RNPS1: variants seen among roughly 807,000 people sequenced by gnomAD.
The protein encoded by RNPS1 is RNA binding protein with serine rich domain 1.
For synonymous variants in RNPS1, 147 were observed against 150.0 expected, an observed-to-expected ratio of 0.98 and a Z score of 0.15; for missense variants, 300 against 427.6, an observed-to-expected ratio of 0.70 and a Z score of 2.63.
rs1282016893 is a variant in RNPS1 at position 2,253,643 on chromosome 16, G to C, written c.*321C>G. On this transcript the variant is annotated 3_prime_UTR_variant, in exon 8 of 8. Coordinates refer to ENST00000320225, the MANE Select transcript of RNPS1 (RefSeq NM_080594.4). ...AGGTCATCGGGGAAGGGAAAAGTGT[G>C]CTCCCAGGTAAGCAGGGTCAAACCA... 2.1e-6 allele frequency: 1 copy of C among 482,390 alleles called. No homozygotes were observed. Among genetic ancestry groups the C allele is most frequent in the Admixed American group, 3.6e-5 (1 of 27,816 alleles). The allele number at this position is 482,390 out of a possible 1,614,324, so 29.9% of individuals were successfully genotyped here. A position where few individuals can be genotyped will look rare whatever the true frequency, so the allele number is the denominator to read the frequency against.
intron 7 of RNPS1, among the ~76,000 whole-genome samples, chr16:2,254,470 G>GTT (rs540324221): frequency 1.3e-5 from 2 of 151,450 alleles, no homozygotes; most frequent in Non-Finnish European, 3.0e-5. Context: ...ATTTTGTTTT[G>GTT]TTTTTTTTAG....
intron 5 of RNPS1, 37 bp from the exon 6 acceptor site, chr16:2,262,468 C>T (rs1290797725): frequency 1.2e-6 from 2 of 1,611,630 alleles, no homozygotes; most frequent in South Asian, 2.2e-5. Context: ...CGCCCAGCTA[C>T]CAGTCAGTCA....
chr16:2,261,453 G>C (rs1420633464), intron 6 of RNPS1, among the ~76,000 whole-genome samples: 1 of 152,222 alleles, frequency 6.6e-6, no homozygotes, highest in African/African-American at 2.4e-5. Context: ...GCAGGAAGCA[G>C]CCAGAAAGAT....
chr16:2,264,153 G>A lies in RNPS1; in HGVS notation c.227+23C>T, dbSNP rs973576903. 3 of 1,611,804 alleles carry A rather than the reference G, an allele frequency of 1.9e-6. No individual in the cohort carries two copies. The African/African-American group carries it at 4.0e-5, about 22-fold the overall frequency. On this transcript the variant is annotated intron_variant, in intron 3 of 7. Coordinates refer to ENST00000320225, the MANE Select transcript of RNPS1 (RefSeq NM_080594.4). ...GTAGCTGTGGCACAGGTCCTCTCCA[G>A]GCTCCAGGCCAGCCCGCCCCACCTG...
chr16:2,255,807 T>TG lies in RNPS1; in HGVS notation c.677-82dup, dbSNP rs2093575613. 13 of 1,430,864 alleles carry TG rather than the reference T, an allele frequency of 9.1e-6. No homozygotes were observed. In the Middle Eastern group the frequency reaches 5.2e-4, roughly 57 times the overall value. 88.6% of individuals were successfully genotyped at this position (1,430,864 alleles called of 1,614,324 possible). On this transcript the variant is annotated intron_variant, in intron 6 of 7. Coordinates refer to ENST00000320225, the MANE Select transcript of RNPS1 (RefSeq NM_080594.4). ...TGCATGCCACAGTGAAAGACAGGCC[T>TG]GGGGGGACAATGACAATGTAAGATA...
At chr16:2,266,683 C>T in intron 1 of RNPS1, 1 of 985,410 alleles carries the variant, frequency 1.0e-6, no homozygotes. Context: ...TGCACCCACC[C>T]GCCTTCGAAT....
At chr16:2,254,175 C>T in intron 7 of RNPS1, 112 bp from the exon 8 acceptor site, 2 of 777,326 alleles carry the variant, frequency 2.6e-6, no homozygotes, top group Non-Finnish European at 1.9e-6. Flanking sequence ...ATCACTCTGT[C>T]TCCAGGCCAG....
intron 6 of RNPS1, chr16:2,255,990 T>C (rs1041967674): frequency 3.6e-5 from 15 of 422,020 alleles, no homozygotes; most frequent in Middle Eastern, 6.9e-4. Context: ...CTGTGCGAGG[T>C]GGCGGGCGCC....
At chr16:2,267,777 T>G (rs11642797) in intron 1 of RNPS1, 535,667 of 1,365,870 alleles carry the variant, frequency 0.39, 109,719 homozygotes, top group Admixed American at 0.47. Flanking sequence ...CGCTCCCCGC[T>G]GGTCTGAGTC....
rs921789935 is a variant in RNPS1, at chr16:2,253,759, G to C, written c.*205C>G. ...GATGAGCTTTCTAGCCAGAAAACCG[G>C]AGGGAATCTTGACAGGCACACAGCA... On this transcript the variant is annotated 3_prime_UTR_variant, in exon 8 of 8. Transcript: ENST00000320225. 1.5e-6 allele frequency: 1 copy of C among 680,310 alleles called. No individual in the cohort carries two copies. Among genetic ancestry groups the C allele is most frequent in the African/African-American group, 1.8e-5 (1 of 55,726 alleles). The allele number at this position is 680,310 out of a possible 1,614,324, so 42.1% of individuals were successfully genotyped here.
In RNPS1 at chr16:2,267,718, G is replaced by T. The variant is rs1484903553; in HGVS notation, c.-118+337C>A. 5 of 1,251,150 alleles carry T rather than the reference G, an allele frequency of 4.0e-6. No homozygotes were observed. The African/African-American group carries it at 8.0e-5, about 20-fold the overall frequency. The allele number at this position is 1,251,150 out of a possible 1,614,324, so 77.5% of individuals were successfully genotyped here. On this transcript the variant is annotated intron_variant, in intron 1 of 7. Transcript: ENST00000320225. ...CGCTTCCAGGGCAGGGCCTGGCGTT[G>T]GGGGCTTGGGTCTCCGGCCCGGCGG...
At chr16:2,267,002 G>T in intron 1 of RNPS1, 1 of 290,408 alleles carries the variant, frequency 3.4e-6, no homozygotes, top group Non-Finnish European at 5.1e-6. Flanking sequence ...GGTCACACCC[G>T]CAGATTCCAG....
intron 3 of RNPS1, among the ~76,000 whole-genome samples, 154 bp from the exon 4 acceptor site, chr16:2,263,441 A>C (rs2093611679): frequency 6.6e-6 from 1 of 152,142 alleles, no homozygotes; most frequent in Non-Finnish European, 1.5e-5. Flanking sequence ...ATCACCCCCC[A>C]ATCCCCCAGC....
intron 1 of RNPS1, chr16:2,267,368 G>A (rs1045922120): frequency 1.0e-6 from 1 of 984,386 alleles, no homozygotes; most frequent in Non-Finnish European, 1.2e-6. Flanking sequence ...AAGACAAAAA[G>A]CCTACTCCAC....
rs886613852 is a variant in RNPS1, at chr16:2,264,739, G to T, written c.-96C>A. 12 of 1,572,428 alleles carry T rather than the reference G, an allele frequency of 7.6e-6. No individual in the cohort carries two copies. Among genetic ancestry groups the T allele is most frequent in the African/African-American group, 1.4e-5 (1 of 73,452 alleles). On this transcript the variant is annotated 5_prime_UTR_variant, in exon 2 of 8. The change creates a premature stop within an existing upstream ORF in the 5' untranslated region. Coordinates refer to ENST00000320225, the MANE Select transcript of RNPS1 (RefSeq NM_080594.4). ...TCTGAGAAACGATCCCTAATCGATT[G>T]CAATTTACGCCAAAGAGCAGCCTAA...
intron 6 of RNPS1, chr16:2,258,247 A>T (rs754018339): frequency 3.3e-5 from 5 of 152,252 alleles, no homozygotes; most frequent in Non-Finnish European, 7.3e-5. Flanking sequence ...TAAAAAGCCA[A>T]ATGTATTCTA....
At chr16:2,256,806 G>A (rs929464235) in intron 6 of RNPS1, 1 of 152,268 alleles carries the variant, frequency 6.6e-6, no homozygotes, top group African/African-American at 2.4e-5. Context: ...TAAGAGAAGT[G>A]GGAGAAGTTC....
At chr16:2,257,508 C>G (rs543869590) in intron 6 of RNPS1, 2 of 152,278 alleles carry the variant, frequency 1.3e-5, no homozygotes, top group East Asian at 3.9e-4. Context: ...TGGACTCACT[C>G]CATTCAAAGA....
rs201284793 is a variant in RNPS1, at chr16:2,263,303, G to T, written c.228-16C>A. On this transcript the variant is annotated splice_polypyrimidine_tract_variant and intron_variant, in intron 3 of 7. Transcript: ENST00000320225. Reference sequence around the variant, plus strand: ...GGACCGAGACCTGAGGGCAAGATGAGGGGTCACAACCACCACACACCAAGT... The same window carrying T: ...GGACCGAGACCTGAGGGCAAGATGATGGGTCACAACCACCACACACCAAGT... 22 of 1,613,472 alleles carry T rather than the reference G, an allele frequency of 1.4e-5. No individual in the cohort carries two copies. The highest frequency in any genetic ancestry group is 1.9e-5 in the Non-Finnish European group (22 of 1,179,764).
Sources: allele counts gnomAD v4.1 joint callset (sites outside exome capture counted in the v4.1 genomes callset), GRCh38; gene constraint gnomAD v4.1.1; transcripts MANE v1.5; gene names NCBI Gene and HGNC (gene_info 2026-07-23, HGNC 2026-07-21).